CDH20: variants seen among roughly 807,000 people sequenced by gnomAD.
The protein encoded by CDH20 is cadherin-20.
CDH20 carries 29 observed loss-of-function variants against 74.2 expected under a neutral mutation model. That is an observed-to-expected ratio of 0.39 (90% CI 0.29 to 0.53). The LOEUF is 0.53. CDH20 is among the 20% of genes least tolerant of loss of function. CDH20 has a pLI of 0.69. For synonymous variants in CDH20, 469 were observed against 405.4 expected, an observed-to-expected ratio of 1.16 and a Z score of -1.88; for missense variants, 988 against 1,048.3, an observed-to-expected ratio of 0.94 and a Z score of 0.79.
At chr18:61,473,699 GA>G (rs957703106) in intron 1 of CDH20, among the ~76,000 whole-genome samples, 5 of 152,106 alleles carry the variant, frequency 3.3e-5, no homozygotes, top group African/African-American at 1.2e-4. Flanking sequence ...TCAGAAAGGG[GA>G]AAAAATATCA....
chr18:61,520,270 C>G (rs867524490), intron 6 of CDH20, among the ~76,000 whole-genome samples: 3 of 140,784 alleles, frequency 2.1e-5, no homozygotes, highest in Non-Finnish European at 4.5e-5. Context: ...GAGCCTAGAT[C>G]GTGCCACTGC....
At chr18:61,376,741 G>A (rs116757519) in intron 1 of CDH20, among the ~76,000 whole-genome samples, 1,765 of 152,210 alleles carry the variant, frequency 0.012, 45 homozygotes, top group African/African-American at 0.039. Context: ...TGTGTATTTG[G>A]AGGTATAACT....
chr18:61,505,762 G>T (rs370593618), intron 5 of CDH20, among the ~76,000 whole-genome samples: 2 of 152,290 alleles, frequency 1.3e-5, no homozygotes, highest in East Asian at 3.9e-4. Flanking sequence ...AGACAAAAGA[G>T]AAATATAAAA....
At chr18:61,496,937 C>A (rs1211640841) in intron 2 of CDH20, among the ~76,000 whole-genome samples, 1 of 151,898 alleles carries the variant, frequency 6.6e-6, no homozygotes, top group African/African-American at 2.4e-5. Context: ...TTGTTCTCCC[C>A]ACACTTCTGT....
At chr18:61,379,091 T>A (rs907519440) in intron 1 of CDH20, among the ~76,000 whole-genome samples, 7 of 152,308 alleles carry the variant, frequency 4.6e-5, no homozygotes, top group African/African-American at 1.4e-4. Flanking sequence ...CCTTATAATT[T>A]TCAGGCTTTT....
chr18:61,404,925 A>G, intron 1 of CDH20: 1 of 701,054 alleles, frequency 1.4e-6, no homozygotes, highest in Non-Finnish European at 2.7e-6. Flanking sequence ...AATGATAGCC[A>G]GTGTGCATAC....
chr18:61,361,855 T>C (rs1483006669), intron 1 of CDH20, among the ~76,000 whole-genome samples: 2 of 152,350 alleles, frequency 1.3e-5, no homozygotes, highest in Admixed American at 1.3e-4. Context: ...GAACCAATGA[T>C]ACAAGATGCC....
chr18:61,519,271 A>T lies in CDH20; in HGVS notation c.1018-8696A>T, dbSNP rs993783552. ...CATTCAAATTCAGGAAATACAGAGA[A>T]CACCACAAAGATACTCCTCGAGAAG... On this transcript the variant is annotated intron_variant, in intron 6 of 11. Transcript: ENST00000262717. Among the ~76,000 whole-genome samples, 6 of 151,248 alleles carry T rather than the reference A, an allele frequency of 4.0e-5. 1 individual carries two copies. Among genetic ancestry groups the T allele is most frequent in the African/African-American group, 1.5e-4 (6 of 40,712 alleles).
intron 1 of CDH20, among the ~76,000 whole-genome samples, chr18:61,350,457 G>T (rs1185493829): frequency 6.6e-6 from 1 of 152,018 alleles, no homozygotes; most frequent in East Asian, 1.9e-4. Context: ...GATGGAGGGC[G>T]ATTCCATGCA....
intron 6 of CDH20, among the ~76,000 whole-genome samples, chr18:61,526,670 G>T (rs1186425703): frequency 6.6e-6 from 1 of 151,916 alleles, no homozygotes; most frequent in African/African-American, 2.4e-5. Flanking sequence ...TTCACGTTCT[G>T]CCCTGGAGCA....
At chr18:61,383,287 A>T (rs1390408831) in intron 1 of CDH20, among the ~76,000 whole-genome samples, 1 of 152,206 alleles carries the variant, frequency 6.6e-6, no homozygotes, top group East Asian at 1.9e-4. Context: ...TCAATAAAAA[A>T]TGTTACATTC....
chr18:61,520,457 C>A (rs973807193), intron 6 of CDH20, among the ~76,000 whole-genome samples: 1 of 150,986 alleles, frequency 6.6e-6, no homozygotes, highest in Non-Finnish European at 1.5e-5. Context: ...TAGAGACCTA[C>A]AAAGAGACTT....
rs755322345 is a variant in CDH20, at chr18:61,503,086, A to T, written c.795A>T (p.Ser265=). The change falls in exon 5 of 12, where the codon TCA becomes TCT. Residue 265 remains serine (S), a synonymous_variant. Coordinates refer to ENST00000262717, the MANE Select transcript of CDH20 (RefSeq NM_031891.4). ...CCACAACAGTCAACATCACCCTCTC[A>T]GATGTCAATGATAACCCACCCCGCT... ...AGTTTVNITL[S]DVNDNPPRFP... The T allele has an allele frequency of 1.9e-6, 3 of 1,612,984 alleles. No individual in the cohort carries two copies. In the East Asian group the frequency reaches 6.7e-5, roughly 36 times the overall value.
chr18:61,371,041 T>G (rs1911021228), intron 1 of CDH20, among the ~76,000 whole-genome samples: 1 of 152,102 alleles, frequency 6.6e-6, no homozygotes, highest in South Asian at 2.1e-4. Context: ...AACTCTTTGT[T>G]GATGGGGCCA....
At chr18:61,377,463 C>G (rs1911275908) in intron 1 of CDH20, among the ~76,000 whole-genome samples, 1 of 151,846 alleles carries the variant, frequency 6.6e-6, no homozygotes, top group Non-Finnish European at 1.5e-5. Flanking sequence ...ACACGCGAAG[C>G]CTCATAAGTG....
At chr18:61,348,869 T>G (rs1910216228) in intron 1 of CDH20, among the ~76,000 whole-genome samples, 1 of 152,188 alleles carries the variant, frequency 6.6e-6, no homozygotes. Flanking sequence ...TTATTTTTAT[T>G]CCTTGGAATC....
intron 1 of CDH20, among the ~76,000 whole-genome samples, chr18:61,365,408 G>T (rs775743393): frequency 2.0e-5 from 3 of 152,092 alleles, no homozygotes; most frequent in Non-Finnish European, 4.4e-5. Context: ...TCTAAATTTT[G>T]GAGTTTTAGC....
chr18:61,448,348 T>A (rs1909267778), intron 1 of CDH20, among the ~76,000 whole-genome samples: 2 of 152,008 alleles, frequency 1.3e-5, no homozygotes, highest in Admixed American at 1.3e-4. Flanking sequence ...ATTAGAGAGG[T>A]CAAGTAATTT....
In CDH20 at chr18:61,550,351, T is replaced by G. The variant is rs1599164172; in HGVS notation, c.1900+122T>G. Reference sequence around the variant, plus strand: ...TTCCACACCTTGCTTACTCAAAAGGTGGTAGAGTGAGGCTGCACAAAAAAC... The same window carrying G: ...TTCCACACCTTGCTTACTCAAAAGGGGGTAGAGTGAGGCTGCACAAAAAAC... On this transcript the variant is annotated intron_variant, in intron 11 of 11. Coordinates refer to ENST00000262717, the MANE Select transcript of CDH20 (RefSeq NM_031891.4). 2.4e-6 allele frequency: 3 copies of G among 1,235,124 alleles called. No individual in the cohort carries two copies. In the East Asian group the frequency reaches 7.1e-5, roughly 29 times the overall value. The allele number at this position is 1,235,124 out of a possible 1,614,324, so 76.5% of individuals were successfully genotyped here. A position where few individuals can be genotyped will look rare whatever the true frequency, so the allele number is the denominator to read the frequency against.
Sources: gnomAD v4.1 joint callset for allele counts (sites outside exome capture counted in the v4.1 genomes callset) on GRCh38, gnomAD v4.1.1 for gene constraint, MANE v1.5 for transcripts, NCBI Gene and HGNC (gene_info 2026-07-23, HGNC 2026-07-21) for gene names.